COL5A1: variants seen among roughly 807,000 people sequenced by gnomAD.
COL5A1 encodes the protein collagen type V alpha 1 chain, also known as collagen alpha-1(V) chain.
Under a neutral mutation model 263.7 loss-of-function variants are expected in COL5A1, and 16 were observed. That is an observed-to-expected ratio of 0.06 (90% CI 0.04 to 0.09). The LOEUF (loss-of-function observed/expected upper bound fraction) is 0.09. Among genes scored for constraint, COL5A1 ranks in the 10% least tolerant of loss-of-function variants. COL5A1 has a pLI of 1.00. For missense variants in COL5A1, 2,036 were observed against 2,540.5 expected, an observed-to-expected ratio of 0.80 and a Z score of 4.27; for synonymous variants, 1,012 against 1,004.5, an observed-to-expected ratio of 1.01 and a Z score of -0.14.
chr9:134,685,816 TCATC>T (rs376262626), intron 1 of COL5A1, among the ~76,000 whole-genome samples: 12,436 of 115,914 alleles, frequency 0.11, 1,006 homozygotes, highest in Admixed American at 0.17. Context: ...ATCCATCCAT[TCATC>T]CATCCATCCA....
At chr9:134,738,884 G>A (rs1458143478) in intron 11 of COL5A1, 76 bp downstream of exon 11, 13 of 1,254,558 alleles carry the variant, frequency 1.0e-5, no homozygotes, top group Non-Finnish European at 1.5e-5. Context: ...ACTGTGACCC[G>A]AGCTGTCCCT....
rs1450771243 is a variant in COL5A1, at chr9:134,794,207, G to A, written c.2701-875G>A. On this transcript the variant is annotated intron_variant, in intron 32 of 65. Transcript: ENST00000371817. This position sits in a 1 kb window ranked among gnomAD's most constrained non-coding sequence, Gnocchi z 4.3. The stretch of plus-strand genomic sequence containing the variant: ...TGGCACACACCTGTAGTCTGTCCCA[G>A]CAACTCAGGAGGCTGAGGCAGGAGA... Among the ~76,000 whole-genome samples the A allele has an allele frequency of 6.6e-6, 1 of 152,046 alleles. No homozygotes were observed. Among genetic ancestry groups the A allele is most frequent in the Non-Finnish European group, 1.5e-5 (1 of 68,022 alleles).
chr9:134,772,712 G>A (rs753863957), intron 25 of COL5A1, 78 bp from the exon 26 acceptor site: 3 of 1,399,648 alleles, frequency 2.1e-6, no homozygotes, highest in African/African-American at 2.8e-5. Flanking sequence ...GATCATGGAT[G>A]CTACGCAGGG....
chr9:134,644,197 C>T lies in COL5A1; in HGVS notation c.109+1901C>T, dbSNP rs1355832105. Among the ~76,000 whole-genome samples, 10 of 129,134 alleles carry T rather than the reference C, an allele frequency of 7.7e-5. No homozygotes were observed. The East Asian group carries it at 1.9e-3, about 25-fold the overall frequency. 84.7% of individuals were successfully genotyped at this position (129,134 alleles called of 152,430 possible). On this transcript the variant is annotated intron_variant, in intron 1 of 65. Transcript: ENST00000371817. ...GGCGGCTGTCCACTGGAGATGCAGG[C>T]GCTGGGGGGAGGGGGCGGCTGTCCA...
Position 134,809,231 on chromosome 9 carries a change from C to A in COL5A1, c.3415C>A (p.Pro1139Thr), listed in dbSNP as rs1838418529. Residue 1139 changes from proline to threonine, a missense_variant, in exon 43 of 66, where the codon CCT becomes ACT. Coordinates refer to ENST00000371817, the MANE Select transcript of COL5A1 (RefSeq NM_000093.5). ...AGCTGGCCGAGACGGTCTCCAGGGG[C>A]CTGTGGGGCTCCCGGGTCCAGCTGG... ...GPAGRDGLQG[P>T]VGLPGPAGPV... 4 of 1,606,554 alleles carry A rather than the reference C, an allele frequency of 2.5e-6. No homozygotes were observed. The highest frequency in any genetic ancestry group is 2.2e-5 in the East Asian group (1 of 44,626).
chr9:134,840,002 G>A (rs1447646372), intron 65 of COL5A1, among the ~76,000 whole-genome samples: 1 of 152,266 alleles, frequency 6.6e-6, no homozygotes, highest in African/African-American at 2.4e-5. Flanking sequence ...GGAACTGTGT[G>A]TTTTGCTGTC....
chr9:134,710,336 C>A (rs1013900298), intron 4 of COL5A1, among the ~76,000 whole-genome samples: 3 of 152,236 alleles, frequency 2.0e-5, no homozygotes, highest in African/African-American at 7.2e-5. Flanking sequence ...ATAGCATCGC[C>A]GTCAGTGCCG....
rs1435024809 is a variant in COL5A1 at position 134,741,559 on chromosome 9, C to G, written c.1494+2751C>G. Among the ~76,000 whole-genome samples, 1 of 151,878 alleles carries G rather than the reference C, an allele frequency of 6.6e-6. No individual in the cohort carries two copies. Among genetic ancestry groups the G allele is most frequent in the Non-Finnish European group, 1.5e-5 (1 of 68,000 alleles). Reference sequence around the variant, plus strand: ...AGATTCACTGGGGGCTGGCCTCCCTCTCAGGTGATAAGGGGCGCTCTCCAA... The same window carrying G: ...AGATTCACTGGGGGCTGGCCTCCCTGTCAGGTGATAAGGGGCGCTCTCCAA... On this transcript the variant is annotated intron_variant, in intron 11 of 65. Transcript: ENST00000371817. This position sits in a 1 kb window ranked among gnomAD's most constrained non-coding sequence, Gnocchi z 4.5.
intron 25 of COL5A1, among the ~76,000 whole-genome samples, chr9:134,771,563 C>A (rs1836866590): frequency 1.3e-5 from 2 of 152,234 alleles, no homozygotes; most frequent in Admixed American, 6.5e-5. Flanking sequence ...GCATCAAACC[C>A]AATTGGACAG....
At chr9:134,760,396 AC>A (rs1416485523) in intron 18 of COL5A1, among the ~76,000 whole-genome samples, 3 of 66,718 alleles carry the variant, frequency 4.5e-5, no homozygotes, top group African/African-American at 1.6e-4. Context: ...ACACCCCCAC[AC>A]CCCCACACTC....
chr9:134,828,479 C>A (rs1008993985), intron 63 of COL5A1, among the ~76,000 whole-genome samples: 2 of 151,470 alleles, frequency 1.3e-5, no homozygotes, highest in African/African-American at 4.9e-5. Context: ...ACACACCACA[C>A]GCACAGATAC....
intron 27 of COL5A1, among the ~76,000 whole-genome samples, chr9:134,776,705 T>A (rs1837066360): frequency 6.6e-6 from 1 of 152,120 alleles, no homozygotes; most frequent in Non-Finnish European, 1.5e-5. Context: ...CAGGAAAAGG[T>A]TCTTAGTCCA....
rs1060504529 is a variant in COL5A1 at position 134,765,695 on chromosome 9, G to C, written c.2049G>C (p.Leu683=). 2 of 1,613,720 alleles carry C rather than the reference G, an allele frequency of 1.2e-6. No homozygotes were observed. Among genetic ancestry groups the C allele is most frequent in the Non-Finnish European group, 1.7e-6 (2 of 1,179,704 alleles). Residue 683 remains leucine (L), a synonymous_variant, in exon 21 of 66, where the codon CTG becomes CTC. Coordinates refer to ENST00000371817, the MANE Select transcript of COL5A1 (RefSeq NM_000093.5). The surrounding 1 kb of genome is among the most constrained non-coding windows in gnomAD (Gnocchi z 5.1). ...TCCTCTTACAGGGGCCACGTGGTCT[G>C]CTTGGGCCGAAGGGGCCCCCAGGTC... ...GLPGEPGPRG[L]LGPKGPPGPP... is the part of the protein sequence containing the mutation.
rs1487125864 is a variant in COL5A1, at chr9:134,682,545, C to T, written c.110-8367C>T. Among the ~76,000 whole-genome samples, 2 of 152,364 alleles carry T rather than the reference C, an allele frequency of 1.3e-5. No individual in the cohort carries two copies. The highest frequency in any genetic ancestry group is 4.8e-5 in the African/African-American group (2 of 41,592). On this transcript the variant is annotated intron_variant, in intron 1 of 65. Coordinates refer to ENST00000371817, the MANE Select transcript of COL5A1 (RefSeq NM_000093.5). The surrounding 1 kb of genome is among the most constrained non-coding windows in gnomAD (Gnocchi z 5.1). ...AAGATGATACTAGAATCCTACCACA[C>T]TGCCTGGTGGGGTGGGGGAGAGCCT...
At chr9:134,737,541 C>A (rs1234956312) in intron 9 of COL5A1, among the ~76,000 whole-genome samples, 3 of 152,250 alleles carry the variant, frequency 2.0e-5, no homozygotes, top group Non-Finnish European at 1.5e-5. Flanking sequence ...TCTGTCAGAG[C>A]AAGTCCCTTG....
chr9:134,785,400 G>A (rs1837419345), intron 30 of COL5A1, among the ~76,000 whole-genome samples: 1 of 152,206 alleles, frequency 6.6e-6, no homozygotes, highest in African/African-American at 2.4e-5. Flanking sequence ...CCCCGTCCTT[G>A]TCACATTCCC....
At chr9:134,666,167 A>G (rs1425692254) in intron 1 of COL5A1, among the ~76,000 whole-genome samples, 1 of 152,252 alleles carries the variant, frequency 6.6e-6, no homozygotes, top group East Asian at 1.9e-4. Context: ...TTGACTATAT[A>G]TGATCACTCA....
Position 134,679,320 on chromosome 9 carries a change from G to C in COL5A1, c.110-11592G>C, listed in dbSNP as rs374305935. Among the ~76,000 whole-genome samples the C allele has an allele frequency of 9.1e-3, 1,328 of 145,724 alleles. 24 individuals are homozygous for C. Among genetic ancestry groups the C allele is most frequent in the African/African-American group, 0.028 (1,100 of 38,866 alleles). On this transcript the variant is annotated intron_variant, in intron 1 of 65. Coordinates refer to ENST00000371817, the MANE Select transcript of COL5A1 (RefSeq NM_000093.5). Reference sequence around the variant, plus strand: ...TTGGGGGTACTGTGGGGCTGGCTAGGGGGCACTGCAGGGCTTATTAGGGGG... The same window carrying C: ...TTGGGGGTACTGTGGGGCTGGCTAGCGGGCACTGCAGGGCTTATTAGGGGG...
intron 1 of COL5A1, among the ~76,000 whole-genome samples, chr9:134,684,333 G>T (rs370946122): frequency 6.6e-5 from 10 of 151,844 alleles, no homozygotes; most frequent in African/African-American, 2.4e-4. Context: ...CCCAGGTCTC[G>T]GGGGGAAACA....
Sources: allele counts gnomAD v4.1 joint callset (sites outside exome capture counted in the v4.1 genomes callset), GRCh38; gene constraint gnomAD v4.1.1; non-coding constraint Gnocchi (gnomAD v3.1); transcripts MANE v1.5; gene names NCBI Gene and HGNC (gene_info 2026-07-23, HGNC 2026-07-21).